GGA3: variants seen among roughly 807,000 people sequenced by gnomAD.
The protein encoded by GGA3 is ADP-ribosylation factor-binding protein GGA3.
In GGA3, 57 loss-of-function variants were observed where a neutral mutation model predicts 77.5. The ratio of observed to expected loss-of-function variants is 0.74; its 90% CI spans 0.59 to 0.92. The LOEUF (loss-of-function observed/expected upper bound fraction) is 0.92. Among genes scored for constraint, GGA3 ranks in the 40% least tolerant of loss-of-function variants. The pLI, the probability that GGA3 is intolerant of heterozygous loss-of-function variation, is 0.00. For missense variants in GGA3, 970 were observed against 914.9 expected (o/e 1.06, Z -0.78); for synonymous variants, 416 against 383.7 (o/e 1.08, Z -0.98).
rs541731830 is a variant in GGA3 at position 75,259,823 on chromosome 17, TC to T, written c.40+1724del. ...TATGTCTCTACAGATACCATGTGAC[TC>T]CCCCCCACCAAGTGTGTCCCTCTCA... On this transcript the variant is annotated intron_variant, in intron 1 of 16. Transcript: ENST00000537686. 1.9e-3 allele frequency among the ~76,000 whole-genome samples: 288 copies of T among 152,072 alleles called. 2 individuals are homozygous for T. Among genetic ancestry groups the T allele is most frequent in the Non-Finnish European group, 3.6e-3 (246 of 67,988 alleles).
intron 10 of GGA3, 95 bp downstream of exon 10, chr17:75,241,305 A>T (rs565182323): frequency 1.2e-6 from 1 of 862,538 alleles, no homozygotes; most frequent in African/African-American, 1.7e-5. Context: ...GCCTTGTGCA[A>T]CACCACCACG....
rs369551552 is a variant in GGA3, at chr17:75,248,448, G to A, written c.41-1652C>T. Among the ~76,000 whole-genome samples the A allele has an allele frequency of 1.9e-4, 19 of 100,012 alleles. No individual in the cohort carries two copies. In the East Asian group the frequency reaches 6.5e-3, roughly 34 times the overall value. The allele number at this position is 100,012 out of a possible 152,430, so 65.6% of individuals were successfully genotyped here. A position where few individuals can be genotyped will look rare whatever the true frequency, so the allele number is the denominator to read the frequency against. ...ATCGCACCACTGCATTCCAGCCTGG[G>A]CGACAGCGAGACTCCGTCTCAAAAA... On this transcript the variant is annotated intron_variant, in intron 1 of 16. Transcript: ENST00000537686.
rs2145457016 is a variant in GGA3 at position 75,236,995 on chromosome 17, C to G, written c.*1284G>C. 5.4e-6 allele frequency: 1 copy of G among 183,866 alleles called. No individual in the cohort carries two copies. Among genetic ancestry groups the G allele is most frequent in the East Asian group, 1.4e-4 (1 of 7,298 alleles). 11.4% of individuals were successfully genotyped at this position (183,866 alleles called of 1,614,324 possible). A position where few individuals can be genotyped will look rare whatever the true frequency, so the allele number is the denominator to read the frequency against. ...AACCAGGGAACATGGTCTGTGCCAC[C>G]TTCCTTTCCCCAGAGATGTCCGATT... On this transcript the variant is annotated 3_prime_UTR_variant, in exon 17 of 17. Transcript: ENST00000537686.
At chr17:75,252,725 A>G (rs543032763) in intron 1 of GGA3, among the ~76,000 whole-genome samples, 3 of 152,208 alleles carry the variant, frequency 2.0e-5, no homozygotes, top group Non-Finnish European at 4.4e-5. Flanking sequence ...ATGTAAAAAT[A>G]GCCTTACCTG....
At position 75,246,722 on chromosome 17, in the gene GGA3, C is replaced by T; in HGVS notation, c.115G>A (p.Glu39Lys). Residue 39 changes from glutamate to lysine, a missense_variant, in exon 2 of 17, where the codon GAG becomes AAG. By Grantham distance (56) the Glu-to-Lys change is moderately conservative. Transcript: ENST00000537686. ...IIGFCDQINK[E>K]LEGPQIAVRL... ...AGTGCTGAGACTCACCCTTCCAGCT[C>T]CTTGTTGATCTGATCACAGAAGCCA... The T allele has an allele frequency of 6.2e-7, 1 of 1,613,724 alleles. No homozygotes were observed. The highest frequency in any genetic ancestry group is 8.5e-7 in the Non-Finnish European group (1 of 1,179,592).
rs2076352454 is a variant in GGA3, at chr17:75,237,317, A to G, written c.*962T>C. 2 of 668,690 alleles carry G rather than the reference A, an allele frequency of 3.0e-6. No homozygotes were observed. The highest frequency in any genetic ancestry group is 3.4e-5 in the South Asian group (2 of 58,368). 41.4% of individuals were successfully genotyped at this position (668,690 alleles called of 1,614,324 possible). A position where few individuals can be genotyped will look rare whatever the true frequency, so the allele number is the denominator to read the frequency against. ...CATTAGGACATATGTCTAGTGTAAC[A>G]TTTGTGATCCTGAGGCCTCCTGTGT... On this transcript the variant is annotated 3_prime_UTR_variant, in exon 17 of 17. Coordinates refer to ENST00000537686, the MANE Select transcript of GGA3 (RefSeq NM_138619.4).
At chr17:75,255,719 T>C (rs954204320) in intron 1 of GGA3, among the ~76,000 whole-genome samples, 1 of 152,210 alleles carries the variant, frequency 6.6e-6, no homozygotes. Flanking sequence ...ATCTATGCCT[T>C]ATCAACCAAA....
intron 1 of GGA3, among the ~76,000 whole-genome samples, chr17:75,257,483 T>C (rs2077197029): frequency 6.6e-6 from 1 of 152,178 alleles, no homozygotes; most frequent in South Asian, 2.1e-4. Flanking sequence ...AAATAATCTT[T>C]GCTGGCAGGA....
chr17:75,238,662 T>TTAA lies in GGA3; in HGVS notation c.2050_2051insTTA (p.Ala683_Asn684insIle). On this transcript the variant is annotated inframe_insertion, in exon 16 of 17. Coordinates refer to ENST00000537686, the MANE Select transcript of GGA3 (RefSeq NM_138619.4). ...TTCTTTGCTGCTCACCTTCAGTGGATTGGCCAGCAACATGACCTGGGTGAT... is the reference window on the plus strand; with the variant it reads ...TTCTTTGCTGCTCACCTTCAGTGGATTAATGGCCAGCAACATGACCTGGGTGAT... 1 of 1,611,578 alleles carries TTAA rather than the reference T, an allele frequency of 6.2e-7. No homozygotes were observed. Among genetic ancestry groups the TTAA allele is most frequent in the Non-Finnish European group, 8.5e-7 (1 of 1,178,052 alleles).
intron 11 of GGA3, 109 bp from the exon 12 acceptor site, chr17:75,240,521 C>T (rs568198128): frequency 2.3e-5 from 17 of 748,734 alleles, no homozygotes; most frequent in African/African-American, 5.2e-5. Context: ...TGGGTGAAGG[C>T]GCCGGGAGAA....
intron 12 of GGA3, 61 bp from the exon 13 acceptor site, chr17:75,240,169 G>C: frequency 1.5e-6 from 2 of 1,333,516 alleles, no homozygotes; most frequent in South Asian, 1.3e-5. Context: ...CCGCTGGAAC[G>C]GGGCGCAGCC....
intron 1 of GGA3, among the ~76,000 whole-genome samples, 195 bp from the exon 2 acceptor site, chr17:75,246,991 C>T (rs1367665272): frequency 6.6e-6 from 1 of 151,658 alleles, no homozygotes; most frequent in Non-Finnish European, 1.5e-5. Flanking sequence ...ACAAATACTG[C>T]TTTCTGTCCA....
At chr17:75,261,368 G>A (rs1235989091) in intron 1 of GGA3, among the ~76,000 whole-genome samples, 180 bp downstream of exon 1, 1 of 152,254 alleles carries the variant, frequency 6.6e-6, no homozygotes, top group Non-Finnish European at 1.5e-5. Flanking sequence ...AGCGGGGGCC[G>A]GACTGGGGCC....
At chr17:75,242,244 T>A in intron 8 of GGA3, 92 bp downstream of exon 8, 1 of 1,319,222 alleles carries the variant, frequency 7.6e-7, no homozygotes. Flanking sequence ...ACAGCCCGTG[T>A]CTCTGACAAG....
At position 75,238,995 on chromosome 17, in the gene GGA3, G is replaced by C; in HGVS notation, c.1869C>G (p.Asp623Glu). The C allele has an allele frequency of 6.2e-7, 1 of 1,614,120 alleles. No homozygotes were observed. Among genetic ancestry groups the C allele is most frequent in the South Asian group, 1.1e-5 (1 of 91,084 alleles). ...GCATGGACACCACCACCACCAGCAC[G>C]TCAGGTCGTCCTGGGGGACACTCCT... is the stretch of plus-strand genomic sequence containing the variant. ...FAKECPPGRP[D>E]VLVVVVSMLN... The change falls in exon 15 of 17, where the codon GAC becomes GAG. Residue 623 changes from aspartate (D) to glutamate (E), a missense_variant. Coordinates refer to ENST00000537686, the MANE Select transcript of GGA3 (RefSeq NM_138619.4).
rs960288768 is a variant in GGA3, at chr17:75,239,808, G to A, written c.1564C>T (p.Leu522Phe). ...CATTACACTTTGGCCTCTTCTAGAA[G>A]CTGATCGAGGGCATCCAGGTGGTGC... is the stretch of plus-strand genomic sequence containing the variant. The part of the protein sequence containing the change: ...ALHHLDALDQ[L>F]LEEAKVTSGL... The change falls in exon 13 of 17, where the codon CTT becomes TTT. Residue 522 changes from leucine to phenylalanine, a missense_variant. Physicochemically the swap from Leu to Phe is conservative, Grantham distance 22 (BLOSUM62 0). Transcript: ENST00000537686. 2 of 1,613,766 alleles carry A rather than the reference G, an allele frequency of 1.2e-6. No individual in the cohort carries two copies. The highest frequency in any genetic ancestry group is 2.2e-5 in the South Asian group (2 of 91,090).
Position 75,241,481 on chromosome 17 carries a change from C to T in GGA3, c.865G>A (p.Val289Ile). 1 of 1,613,994 alleles carries T rather than the reference C, an allele frequency of 6.2e-7. No homozygotes were observed. Among genetic ancestry groups the T allele is most frequent in the East Asian group, 2.2e-5 (1 of 44,882 alleles). ...ATAATTGTTTTGTAAGAGTTGATGA[C>T]CCGGGAGAGGTTGTCACTGGCTTGC... ...ILQASDNLSR[V>I]INSYKTIIEG... The change falls in exon 10 of 17, where the codon GTC becomes ATC. Residue 289 changes from valine (V) to isoleucine (I), a missense_variant. Transcript: ENST00000537686.
chr17:75,253,219 T>C (rs1030885938), intron 1 of GGA3, among the ~76,000 whole-genome samples: 5 of 152,180 alleles, frequency 3.3e-5, no homozygotes, highest in Non-Finnish European at 7.4e-5. Flanking sequence ...CTCTTCTTAC[T>C]CTCTTCTCCA....
At chr17:75,251,763 TTTCTTC>T (rs556013448) in intron 1 of GGA3, among the ~76,000 whole-genome samples, 1 of 151,384 alleles carries the variant, frequency 6.6e-6, no homozygotes, top group South Asian at 2.1e-4. Context: ...CCCATTTCTT[TTTCTTC>T]TTCCTTTTTT....
Sources: gnomAD v4.1 joint callset for allele counts (sites outside exome capture counted in the v4.1 genomes callset) on GRCh38, gnomAD v4.1.1 for gene constraint, MANE v1.5 for transcripts, NCBI Gene and HGNC (gene_info 2026-07-23, HGNC 2026-07-21) for gene names.